The following STK3 variants were observed in gnomAD, a reference collection of about 807,000 sequenced individuals.
The protein encoded by STK3 is serine/threonine-protein kinase 3.
A neutral mutation model predicts 58.0 loss-of-function variants in STK3; 41 were observed. The observed-to-expected ratio is 0.71, with a 90% CI of 0.55 to 0.92. The LOEUF (loss-of-function observed/expected upper bound fraction) is 0.92, where lower values mean the gene tolerates loss of function less well. Ranked by LOEUF, STK3 falls within the 40% of genes least tolerant of loss-of-function variation. The probability of loss-of-function intolerance (pLI) is 0.00; values close to 1 mark genes in which losing one functional copy is unlikely to be tolerated. For synonymous variants in STK3, 170 were observed against 191.0 expected, an observed-to-expected ratio of 0.89 and a Z score of 0.91; for missense variants, 479 against 602.7, an observed-to-expected ratio of 0.79 and a Z score of 2.15.
At chr8:98,821,216 T>G (rs920360187) in intron 1 of STK3, among the ~76,000 whole-genome samples, 1 of 152,086 alleles carries the variant, frequency 6.6e-6, no homozygotes, top group Non-Finnish European at 1.5e-5. Context: ...TAGATTCTCA[T>G]AGGAGTGCGA....
At chr8:98,492,475 AG>A (rs1227072708) in intron 10 of STK3, among the ~76,000 whole-genome samples, 2 of 152,204 alleles carry the variant, frequency 1.3e-5, no homozygotes, top group African/African-American at 4.8e-5. Flanking sequence ...GTGAAATTGG[AG>A]AAAGGCCTAA....
At chr8:98,361,820 G>C in the STK3 span, among the ~76,000 whole-genome samples, 1 of 152,204 alleles carries the variant, frequency 6.6e-6, no homozygotes, top group African/African-American at 2.4e-5. Context: ...GAGAGCTGCA[G>C]GGACAGGCCT....
chr8:98,680,984 T>C (rs903831463), intron 6 of STK3, among the ~76,000 whole-genome samples: 2 of 148,498 alleles, frequency 1.3e-5, no homozygotes, highest in South Asian at 2.1e-4. Context: ...CACCTTTCTT[T>C]TTTTTTTTTT....
At chr8:98,540,863 G>C (rs1047145825) in intron 9 of STK3, among the ~76,000 whole-genome samples, 3 of 152,146 alleles carry the variant, frequency 2.0e-5, no homozygotes, top group Admixed American at 1.3e-4. Flanking sequence ...CTTCTTACAA[G>C]CCCTGTCATA....
intron 6 of STK3, among the ~76,000 whole-genome samples, chr8:98,599,855 C>T (rs1426747257): frequency 1.3e-5 from 2 of 152,058 alleles, no homozygotes; most frequent in Non-Finnish European, 2.9e-5. Context: ...CTTGTAATCC[C>T]AGCTACTAGG....
At chr8:98,571,405 A>G (rs1389040326) in intron 8 of STK3, among the ~76,000 whole-genome samples, 3 of 152,058 alleles carry the variant, frequency 2.0e-5, no homozygotes, top group Non-Finnish European at 4.4e-5. Flanking sequence ...AGGCGGGGGA[A>G]GTTTCTGTCT....
At chr8:98,518,812 T>C (rs1825141768) in intron 10 of STK3, among the ~76,000 whole-genome samples, 2 of 152,098 alleles carry the variant, frequency 1.3e-5, no homozygotes, top group African/African-American at 4.8e-5. Flanking sequence ...AGGCTTCTCA[T>C]TAATTTTAAT....
At chr8:98,823,376 C>T (rs1835033661) in intron 1 of STK3, among the ~76,000 whole-genome samples, 1 of 152,150 alleles carries the variant, frequency 6.6e-6, no homozygotes, top group Non-Finnish European at 1.5e-5. Flanking sequence ...GAATAAGCAA[C>T]AGAGACCAGG....
chr8:98,611,050 C>T (rs1167880762), intron 6 of STK3, among the ~76,000 whole-genome samples: 1 of 151,976 alleles, frequency 6.6e-6, no homozygotes, highest in Non-Finnish European at 1.5e-5. Flanking sequence ...ACACAAAGGC[C>T]TATAAACTCA....
chr8:98,384,197 A>T (rs1817767586), intron 1 of STK3, among the ~76,000 whole-genome samples: 1 of 152,200 alleles, frequency 6.6e-6, no homozygotes, highest in Non-Finnish European at 1.5e-5. Context: ...CCAAGTCTCC[A>T]CTACCTCTGG....
chr8:98,700,405 G>T (rs1169741470), intron 6 of STK3, among the ~76,000 whole-genome samples: 1 of 152,212 alleles, frequency 6.6e-6, no homozygotes, highest in East Asian at 1.9e-4. Flanking sequence ...ACTCCCTAGT[G>T]AGATGAACCC....
chr8:98,859,136 T>G (rs777398406), intron 3 of STK3, among the ~76,000 whole-genome samples: 2 of 152,160 alleles, frequency 1.3e-5, no homozygotes, highest in Non-Finnish European at 2.9e-5. Flanking sequence ...TAGCTATTCC[T>G]TAGTTGAGTT....
chr8:98,939,568 A>G (rs1840325250), intron 1 of STK3, among the ~76,000 whole-genome samples: 1 of 152,260 alleles, frequency 6.6e-6, no homozygotes, highest in African/African-American at 2.4e-5. Context: ...CCGGCCTTTT[A>G]AAAACAAGTC....
intron 3 of STK3, among the ~76,000 whole-genome samples, chr8:98,870,504 G>C (rs1837330537): frequency 1.3e-5 from 2 of 152,172 alleles, no homozygotes; most frequent in Admixed American, 1.3e-4. Flanking sequence ...TCCAGCACCT[G>C]TTGTTTCCTG....
At chr8:98,391,627 G>T (rs149906213), upstream of STK3, 85 of 152,290 alleles carry the variant, frequency 5.6e-4, no homozygotes, top group African/African-American at 1.9e-3. Context: ...CTCACCACCA[G>T]TTTAATGGTA....
At chr8:98,583,181 T>A (rs982627866) in intron 7 of STK3, among the ~76,000 whole-genome samples, 2 of 152,142 alleles carry the variant, frequency 1.3e-5, no homozygotes, top group African/African-American at 4.8e-5. Context: ...ACTTTTTACA[T>A]TACTACAACA....
At chr8:98,481,940 C>A (rs567287027) in intron 10 of STK3, among the ~76,000 whole-genome samples, 1 of 152,234 alleles carries the variant, frequency 6.6e-6, no homozygotes, top group East Asian at 1.9e-4. Context: ...TGAAGTGTAA[C>A]ATGTATTCAA....
the STK3 span, among the ~76,000 whole-genome samples, chr8:98,351,033 AAATG>A: frequency 6.6e-6 from 1 of 152,266 alleles, no homozygotes; most frequent in Non-Finnish European, 1.5e-5. Flanking sequence ...TGCCAGAAGA[AAATG>A]AAATAACATA....
intron 1 of STK3, among the ~76,000 whole-genome samples, chr8:98,384,136 C>G (rs1817766156): frequency 6.6e-6 from 1 of 152,248 alleles, no homozygotes; most frequent in Non-Finnish European, 1.5e-5. Flanking sequence ...GCCACATCCT[C>G]ACTCATGTGA....
Sources: allele counts gnomAD v4.1 joint callset (sites outside exome capture counted in the v4.1 genomes callset), GRCh38; gene constraint gnomAD v4.1.1; transcripts MANE v1.5; gene names NCBI Gene and HGNC (gene_info 2026-07-23, HGNC 2026-07-21).